USP14: variants seen among roughly 807,000 people sequenced by gnomAD.
USP14 encodes the protein ubiquitin specific peptidase 14.
In USP14, 38 loss-of-function variants were observed where a neutral mutation model predicts 76.5. The observed-to-expected ratio is 0.50, with a 90% CI of 0.38 to 0.65. The LOEUF is 0.65. USP14 is among the 30% of genes least tolerant of loss of function. USP14 has a pLI of 0.00. For synonymous variants in USP14, 192 were observed against 191.7 expected, an observed-to-expected ratio of 1.00 and a Z score of -0.01; for missense variants, 467 against 586.5, an observed-to-expected ratio of 0.80 and a Z score of 2.10.
intron 2 of USP14, among the ~76,000 whole-genome samples, chr18:165,430 T>C (rs1346887079): frequency 3.3e-5 from 5 of 152,204 alleles, no homozygotes; most frequent in Non-Finnish European, 7.3e-5. Flanking sequence ...CTTTGGCCTT[T>C]AGTGAACTTC....
At chr18:178,003 AGT>A (rs1909674552) in intron 3 of USP14, among the ~76,000 whole-genome samples, 1 of 142,484 alleles carries the variant, frequency 7.0e-6, no homozygotes, top group Non-Finnish European at 1.6e-5. Flanking sequence ...TAATTTTATT[AGT>A]GTTTGTTTGT....
rs1555603800 is a variant in USP14 at position 213,971 on chromosome 18, T to TTAGAG, written c.*2687_*2688insTAGAG. The TTAGAG allele has an allele frequency of 8.4e-6, 1 of 119,720 alleles. No homozygotes were observed. The highest frequency in any genetic ancestry group is 3.1e-5 in the African/African-American group (1 of 32,572). 7.4% of individuals were successfully genotyped at this position (119,720 alleles called of 1,614,324 possible). On this transcript the variant is annotated 3_prime_UTR_variant, in exon 16 of 16. Transcript: ENST00000261601. ...CATTTTCTGTAATGGACAAGATAGA[T>TTAGAG]AGATTAGATAGATAGATAGATAGAT...
At chr18:209,598 T>C (rs1012775383) in intron 13 of USP14, among the ~76,000 whole-genome samples, 8 of 152,224 alleles carry the variant, frequency 5.3e-5, no homozygotes, top group East Asian at 1.9e-4. Flanking sequence ...TAGTTGTTTT[T>C]TCCCCCCACC....
In USP14 at chr18:211,396, T is replaced by A; in HGVS notation, c.*112T>A. 8.4e-7 allele frequency: 1 copy of A among 1,190,502 alleles called. No individual in the cohort carries two copies. Among genetic ancestry groups the A allele is most frequent in the Non-Finnish European group, 1.2e-6 (1 of 867,300 alleles). The allele number at this position is 1,190,502 out of a possible 1,614,324, so 73.7% of individuals were successfully genotyped here. On this transcript the variant is annotated 3_prime_UTR_variant, in exon 16 of 16. Transcript: ENST00000261601. ...ATAGGTGGGTTTATGTTTCACCTCA[T>A]TTGGAACAAAAGAGGACAGAAGCAG...
rs936800755 is a variant in USP14, at chr18:211,451, CAG to C, written c.*171_*172del. The stretch of plus-strand genomic sequence containing the variant: ...CTCTGTGCACCAACCTAAAAAATTA[CAG>C]AGAAGAGAAAATTATCTTTGGATTG... On this transcript the variant is annotated 3_prime_UTR_variant, in exon 16 of 16. Coordinates refer to ENST00000261601, the MANE Select transcript of USP14 (RefSeq NM_005151.4). 1.2e-5 allele frequency: 7 copies of C among 577,200 alleles called. No individual in the cohort carries two copies. The African/African-American group carries it at 1.3e-4, about 11-fold the overall frequency. 35.8% of individuals were successfully genotyped at this position (577,200 alleles called of 1,614,324 possible).
rs878856129 is a variant in USP14 at position 158,606 on chromosome 18, C to T, written c.-93C>T. ...CGCCGCCACCACCGCGCCTCCGCCT[C>T]GGCCGCCGCCGCAGCTGCTCCTGGT... On this transcript the variant is annotated 5_prime_UTR_variant, in exon 1 of 16. Coordinates refer to ENST00000261601, the MANE Select transcript of USP14 (RefSeq NM_005151.4). The T allele has an allele frequency of 7.2e-6, 10 of 1,397,074 alleles. No individual in the cohort carries two copies. The South Asian group carries it at 1.2e-4, about 16-fold the overall frequency. The allele number at this position is 1,397,074 out of a possible 1,614,324, so 86.5% of individuals were successfully genotyped here.
intron 5 of USP14, among the ~76,000 whole-genome samples, chr18:188,527 C>CTTTTTTT (rs1909996999): frequency 2.1e-5 from 2 of 93,064 alleles, no homozygotes; most frequent in Non-Finnish European, 4.5e-5. Context: ...TTTTTTTTTC[C>CTTTTTTT]TTTGTGAGGG....
chr18:200,642 T>G (rs1910360294), intron 10 of USP14, among the ~76,000 whole-genome samples: 1 of 152,216 alleles, frequency 6.6e-6, no homozygotes, highest in South Asian at 2.1e-4. Context: ...ACGGTTTTGC[T>G]TGCTGACTTA....
At position 199,370 on chromosome 18, in the gene USP14, A is replaced by G. The variant is rs1037050429; in HGVS notation, c.876+54A>G. On this transcript the variant is annotated intron_variant, in intron 10 of 15. Coordinates refer to ENST00000261601, the MANE Select transcript of USP14 (RefSeq NM_005151.4). Reference sequence around the variant, plus strand: ...GTTTGTGAATTCCATGTTTGCGAGTAAGCCAAAGTCATTATTCACTGGGCT... The same window carrying G: ...GTTTGTGAATTCCATGTTTGCGAGTGAGCCAAAGTCATTATTCACTGGGCT... The G allele has an allele frequency of 7.7e-5, 99 of 1,291,604 alleles. No homozygotes were observed. In the South Asian group the frequency reaches 1.2e-3, roughly 16 times the overall value. 80.0% of individuals were successfully genotyped at this position (1,291,604 alleles called of 1,614,324 possible).
intron 5 of USP14, among the ~76,000 whole-genome samples, chr18:181,310 A>G (rs762619081): frequency 2.6e-5 from 4 of 152,212 alleles, no homozygotes; most frequent in Non-Finnish European, 4.4e-5. Context: ...ACCATTTTAC[A>G]TTCTCACCAG....
At chr18:196,098 G>A (rs652079) in intron 6 of USP14, among the ~76,000 whole-genome samples, 25,455 of 151,900 alleles carry the variant, frequency 0.17, 2,414 homozygotes, top group Non-Finnish European at 0.23. Flanking sequence ...CGAGGCTGGC[G>A]GATCACAAGG....
intron 6 of USP14, among the ~76,000 whole-genome samples, chr18:195,267 G>C (rs1246057345): frequency 1.3e-5 from 2 of 151,470 alleles, no homozygotes; most frequent in African/African-American, 2.4e-5. Context: ...AAAATAATTA[G>C]CTTGGTAGTG....
intron 5 of USP14, among the ~76,000 whole-genome samples, chr18:186,447 C>G (rs965552691): frequency 6.6e-6 from 1 of 151,882 alleles, no homozygotes; most frequent in Non-Finnish European, 1.5e-5. Flanking sequence ...TGCAATGAGA[C>G]CCTGCCTCTT....
intron 12 of USP14, 143 bp downstream of exon 12, chr18:203,333 T>A: frequency 1.3e-6 from 1 of 757,412 alleles, no homozygotes; most frequent in Non-Finnish European, 2.1e-6. Flanking sequence ...AAGTGATTCT[T>A]AACTCAGAAC....
chr18:206,257 A>T (rs114268776), intron 13 of USP14, among the ~76,000 whole-genome samples: 2 of 152,360 alleles, frequency 1.3e-5, no homozygotes, highest in African/African-American at 4.8e-5. Flanking sequence ...GCCATTGGAT[A>T]GGTTTATAGT....
At chr18:201,585 C>T (rs1910386251) in intron 10 of USP14, among the ~76,000 whole-genome samples, 1 of 152,116 alleles carries the variant, frequency 6.6e-6, no homozygotes, top group Non-Finnish European at 1.5e-5. Flanking sequence ...AAGAGAAATT[C>T]ATTTAAAAAC....
rs11875583 is a variant in USP14, at chr18:180,486, A to G, written c.404+147A>G. 1,399 of 601,626 alleles carry G rather than the reference A, an allele frequency of 2.3e-3. 16 individuals are homozygous for G. In the African/African-American group the frequency reaches 0.025, roughly 11 times the overall value. 37.3% of individuals were successfully genotyped at this position (601,626 alleles called of 1,614,324 possible). ...TAAAGTGTTTAATGCTTTTTATAGTATTTACAAGTTTGTGCAACCATCACC... is the reference window on the plus strand; with the variant it reads ...TAAAGTGTTTAATGCTTTTTATAGTGTTTACAAGTTTGTGCAACCATCACC... On this transcript the variant is annotated intron_variant, in intron 5 of 15. Coordinates refer to ENST00000261601, the MANE Select transcript of USP14 (RefSeq NM_005151.4).
rs111778916 is a variant in USP14, at chr18:174,525, C to T, written c.196-4408C>T. ...GAGTGATCCACCTGCCTTGGCCTCC[C>T]CAAGTGCTGGGATTATAGGTGTAAG... On this transcript the variant is annotated intron_variant, in intron 3 of 15. Coordinates refer to ENST00000261601, the MANE Select transcript of USP14 (RefSeq NM_005151.4). 4.5e-3 allele frequency among the ~76,000 whole-genome samples: 689 copies of T among 152,038 alleles called. 2 individuals are homozygous for T. The highest frequency in any genetic ancestry group is 0.016 in the African/African-American group (660 of 41,496).
At chr18:192,736 A>G in intron 5 of USP14, 106 bp from the exon 6 acceptor site, 3 of 959,806 alleles carry the variant, frequency 3.1e-6, no homozygotes, top group Non-Finnish European at 4.8e-6. Context: ...ACTCTGAGAA[A>G]CTTGCAGTTG....
Sources: gnomAD v4.1 joint callset for allele counts (sites outside exome capture counted in the v4.1 genomes callset) on GRCh38, gnomAD v4.1.1 for gene constraint, MANE v1.5 for transcripts, NCBI Gene and HGNC (gene_info 2026-07-23, HGNC 2026-07-21) for gene names.